The following PCDH9 variants were observed in gnomAD, a reference collection of about 807,000 sequenced individuals.
PCDH9 encodes the protein protocadherin-9.
A neutral mutation model predicts 70.6 loss-of-function variants in PCDH9; 24 were observed. The observed-to-expected ratio is 0.34, with a 90% CI of 0.25 to 0.48. The LOEUF (loss-of-function observed/expected upper bound fraction) is 0.48. Among genes scored for constraint, PCDH9 ranks in the 20% least tolerant of loss-of-function variants. PCDH9 has a pLI of 0.99. For synonymous variants in PCDH9, 562 were observed against 558.5 expected (o/e 1.01, Z -0.09); for missense variants, 1,281 against 1,503.6 (o/e 0.85, Z 2.45).
intron 2 of PCDH9, among the ~76,000 whole-genome samples, chr13:67,085,090 AC>A (rs2138195178): frequency 6.8e-6 from 1 of 146,608 alleles, no homozygotes; most frequent in South Asian, 2.2e-4. Flanking sequence ...AGTCTTGGTA[AC>A]ATATACCCTA....
intron 3 of PCDH9, among the ~76,000 whole-genome samples, chr13:66,814,843 G>A (rs1273845281): frequency 6.6e-6 from 1 of 152,020 alleles, no homozygotes. Context: ...CTGGACATAG[G>A]ACCTGGCAGA....
chr13:66,376,290 CTG>C (rs1363925800), intron 4 of PCDH9, among the ~76,000 whole-genome samples: 1 of 152,106 alleles, frequency 6.6e-6, no homozygotes, highest in Non-Finnish European at 1.5e-5. Context: ...CTTTCACACA[CTG>C]AATGCTGAAG....
At chr13:67,169,965 A>G (rs1047309296) in intron 2 of PCDH9, among the ~76,000 whole-genome samples, 2 of 152,166 alleles carry the variant, frequency 1.3e-5, no homozygotes, top group African/African-American at 4.8e-5. Flanking sequence ...GTACGTCTCT[A>G]TATGGTTGTA....
At chr13:67,068,882 G>T (rs1016300765) in intron 2 of PCDH9, among the ~76,000 whole-genome samples, 1 of 152,126 alleles carries the variant, frequency 6.6e-6, no homozygotes, top group Admixed American at 6.6e-5. Flanking sequence ...AACAGAATGT[G>T]CTCACATGTT....
At chr13:66,432,382 C>A (rs1957787471) in intron 4 of PCDH9, among the ~76,000 whole-genome samples, 1 of 151,930 alleles carries the variant, frequency 6.6e-6, no homozygotes, top group African/African-American at 2.4e-5. Context: ...AAAATCGGAG[C>A]ATGATTACTT....
intron 2 of PCDH9, among the ~76,000 whole-genome samples, chr13:66,961,179 C>T (rs2083339617): frequency 6.6e-6 from 1 of 152,074 alleles, no homozygotes; most frequent in Non-Finnish European, 1.5e-5. Context: ...AGTATGTGTT[C>T]CAATACTCCA....
rs546883078 is a variant in PCDH9, at chr13:66,876,057, G to A, written c.3138+27447C>T. 8.5e-5 allele frequency among the ~76,000 whole-genome samples: 13 copies of A among 152,166 alleles called. No individual in the cohort carries two copies. In the East Asian group the frequency reaches 1.4e-3, roughly 16 times the overall value. ...CATTAAATATCTTCATTGCAAACTC[G>A]GCTATCCATCGTGCTATCATATGAA... On this transcript the variant is annotated intron_variant, in intron 3 of 4. Transcript: ENST00000377865.
chr13:67,074,639 G>A lies in PCDH9; in HGVS notation c.3036+150766C>T, dbSNP rs963668013. 3.9e-5 allele frequency among the ~76,000 whole-genome samples: 6 copies of A among 151,964 alleles called. No individual in the cohort carries two copies. The East Asian group carries it at 7.7e-4, about 20-fold the overall frequency. ...TTGTTTCATTTATAATGTTATCTACGGAAAGAAAACTGAGACAAGAACTGG... is the reference window on the plus strand; with the variant it reads ...TTGTTTCATTTATAATGTTATCTACAGAAAGAAAACTGAGACAAGAACTGG... On this transcript the variant is annotated intron_variant, in intron 2 of 4. Coordinates refer to ENST00000377865, the MANE Select transcript of PCDH9 (RefSeq NM_203487.3).
At chr13:66,602,985 G>A (rs139267678) in intron 4 of PCDH9, among the ~76,000 whole-genome samples, 1 of 146,052 alleles carries the variant, frequency 6.8e-6, no homozygotes, top group East Asian at 1.9e-4. Flanking sequence ...GCTATACCTT[G>A]TAGACTAGGA....
At chr13:66,681,632 CTT>C (rs1451541339) in intron 3 of PCDH9, among the ~76,000 whole-genome samples, 2 of 152,030 alleles carry the variant, frequency 1.3e-5, no homozygotes, top group Admixed American at 6.6e-5. Flanking sequence ...GACTTCTAGG[CTT>C]TTGAACATGC....
chr13:66,610,050 C>A (rs1003605132), intron 4 of PCDH9, among the ~76,000 whole-genome samples: 1 of 151,110 alleles, frequency 6.6e-6, no homozygotes, highest in African/African-American at 2.4e-5. Context: ...CTCCGCCTCC[C>A]GGGTTCACGC....
chr13:66,750,468 T>C (rs867378278), intron 3 of PCDH9, among the ~76,000 whole-genome samples: 8 of 152,064 alleles, frequency 5.3e-5, no homozygotes, highest in Non-Finnish European at 8.8e-5. Flanking sequence ...AAGCCTAAAA[T>C]GTGAAGTGAA....
In PCDH9 at chr13:66,601,151, C is replaced by T. The variant is rs1445587844; in HGVS notation, c.3340+30059G>A. 4.8e-5 allele frequency among the ~76,000 whole-genome samples: 7 copies of T among 145,622 alleles called. 2 individuals carry two copies. Among genetic ancestry groups the T allele is most frequent in the African/African-American group, 7.4e-5 (3 of 40,446 alleles). On this transcript the variant is annotated intron_variant, in intron 4 of 4. Coordinates refer to ENST00000377865, the MANE Select transcript of PCDH9 (RefSeq NM_203487.3). ...CATATAATTCACAGAGGATCCTATT[C>T]TTTAGACTATAGCTATGGGCTAGAT...
At chr13:66,666,597 C>A (rs1049658625) in intron 3 of PCDH9, among the ~76,000 whole-genome samples, 1 of 152,086 alleles carries the variant, frequency 6.6e-6, no homozygotes, top group African/African-American at 2.4e-5. Context: ...TCTTTCTGTA[C>A]CCTAACAAAA....
intron 2 of PCDH9, among the ~76,000 whole-genome samples, chr13:66,921,273 TG>T (rs1037839705): frequency 6.6e-6 from 1 of 151,156 alleles, no homozygotes; most frequent in Non-Finnish European, 1.5e-5. Flanking sequence ...CATTTTAAAA[TG>T]CAATATATTT....
At chr13:66,889,623 T>TTA (rs2082064009) in intron 3 of PCDH9, among the ~76,000 whole-genome samples, 1 of 152,148 alleles carries the variant, frequency 6.6e-6, no homozygotes, top group African/African-American at 2.4e-5. Context: ...TCCTTGTCAC[T>TTA]TACTCCATGG....
chr13:66,817,387 T>C (rs1329795385), intron 3 of PCDH9, among the ~76,000 whole-genome samples: 1 of 152,178 alleles, frequency 6.6e-6, no homozygotes, highest in Non-Finnish European at 1.5e-5. Flanking sequence ...TCTCTTTCTG[T>C]TTGATACATA....
intron 4 of PCDH9, among the ~76,000 whole-genome samples, chr13:66,438,503 G>T (rs1261947256): frequency 6.6e-6 from 1 of 152,146 alleles, no homozygotes; most frequent in Non-Finnish European, 1.5e-5. Context: ...TAGGGAAAAT[G>T]GCAGAGATTG....
chr13:66,416,319 GA>G (rs58442059), intron 4 of PCDH9, among the ~76,000 whole-genome samples: 37 of 138,876 alleles, frequency 2.7e-4, no homozygotes, highest in South Asian at 6.7e-4. Context: ...GAAGCTTACA[GA>G]AAAAAAAAAA....
Sources: allele counts gnomAD v4.1 joint callset (sites outside exome capture counted in the v4.1 genomes callset), GRCh38; gene constraint gnomAD v4.1.1; transcripts MANE v1.5; gene names NCBI Gene and HGNC (gene_info 2026-07-23, HGNC 2026-07-21).